The following SPIRE2 variants were observed in gnomAD, a reference collection of about 807,000 sequenced individuals.
SPIRE2 encodes spire type actin nucleation factor 2.
A neutral mutation model predicts 80.7 loss-of-function variants in SPIRE2; 76 were observed. The observed-to-expected ratio is 0.94, with a 90% CI of 0.78 to 1.14. SPIRE2 has a LOEUF of 1.14. Ranked by LOEUF, SPIRE2 falls within the 50% of genes most tolerant of loss-of-function variation. The probability of loss-of-function intolerance (pLI) is 0.00; values close to 1 mark genes in which losing one functional copy is unlikely to be tolerated. For missense variants in SPIRE2, 1,196 were observed against 1,015.3 expected (o/e 1.18, Z -2.42); for synonymous variants, 535 against 432.6 (o/e 1.24, Z -2.94).
intron 1 of SPIRE2, among the ~76,000 whole-genome samples, chr16:89,835,331 C>T (rs768505845): frequency 1.4e-4 from 22 of 152,202 alleles, no homozygotes; most frequent in Non-Finnish European, 2.1e-4. Flanking sequence ...CTTGGGGTCC[C>T]TGTGCTACTG....
At chr16:89,860,898 T>TG in intron 10 of SPIRE2, 103 bp downstream of exon 10, 1 of 688,514 alleles carries the variant, frequency 1.5e-6, no homozygotes, top group Non-Finnish European at 2.3e-6. Context: ...AGCACCTGTC[T>TG]GGGGGGTGTG....
At chr16:89,841,102 T>A (rs1383948938) in intron 1 of SPIRE2, among the ~76,000 whole-genome samples, 1 of 151,604 alleles carries the variant, frequency 6.6e-6, no homozygotes, top group East Asian at 1.9e-4. Context: ...GAGGATCGCT[T>A]GAGCCCAGGA....
At chr16:89,834,707 C>G (rs112923711) in intron 1 of SPIRE2, among the ~76,000 whole-genome samples, 1,929 of 92,292 alleles carry the variant, frequency 0.021, 42 homozygotes, top group African/African-American at 0.076. Context: ...TCGTAGAAGC[C>G]TGGATAAGCA....
At chr16:89,862,373 GGA>G (rs1167585509) in intron 10 of SPIRE2, 1 of 145,396 alleles carries the variant, frequency 6.9e-6, no homozygotes, top group African/African-American at 2.5e-5. Flanking sequence ...AGGAATTAGA[GGA>G]CACATTTAAG....
chr16:89,829,201 G>T (rs899001147), intron 1 of SPIRE2, among the ~76,000 whole-genome samples: 8 of 152,300 alleles, frequency 5.3e-5, no homozygotes, highest in Admixed American at 4.6e-4. Flanking sequence ...GTCCCCTTGG[G>T]GCATTTTCTC....
In SPIRE2 at chr16:89,828,625, G is replaced by T; in HGVS notation, c.75G>T (p.Glu25Asp). The T allele has an allele frequency of 7.5e-7, 1 of 1,335,816 alleles. No homozygotes were observed. Among genetic ancestry groups the T allele is most frequent in the Non-Finnish European group, 9.7e-7 (1 of 1,032,362 alleles). 82.7% of individuals were successfully genotyped at this position (1,335,816 alleles called of 1,614,324 possible). A position where few individuals can be genotyped will look rare whatever the true frequency, so the allele number is the denominator to read the frequency against. ...CGGAGCCCTGGGAGCTGTCCCTGGA[G>T]GAGGTGCTGAAGGCCTACGAGCAGC... ...GRPEPWELSL[E>D]EVLKAYEQPL... Residue 25 changes from glutamate to aspartate, a missense_variant, in exon 1 of 15, where the codon GAG becomes GAT. Transcript: ENST00000378247. The surrounding 1 kb of genome is among the most constrained non-coding windows in gnomAD (Gnocchi z 5.9).
At chr16:89,859,532 A>C (rs2041723597) in intron 9 of SPIRE2, among the ~76,000 whole-genome samples, 178 bp downstream of exon 9, 1 of 152,162 alleles carries the variant, frequency 6.6e-6, no homozygotes, top group South Asian at 2.1e-4. Flanking sequence ...TTTAACTTGA[A>C]AACTTACTAA....
intron 1 of SPIRE2, among the ~76,000 whole-genome samples, chr16:89,839,242 CG>C (rs1334121349): frequency 1.3e-5 from 2 of 151,956 alleles, no homozygotes; most frequent in African/African-American, 4.8e-5. Flanking sequence ...GGCGTGGTGG[CG>C]GGCGCCTGTA....
In SPIRE2 at chr16:89,828,822, G is replaced by C. The variant is rs1167102112; in HGVS notation, c.244+28G>C. On this transcript the variant is annotated intron_variant, in intron 1 of 14. Coordinates refer to ENST00000378247, the MANE Select transcript of SPIRE2 (RefSeq NM_032451.2). This position sits in a 1 kb window ranked among gnomAD's most constrained non-coding sequence, Gnocchi z 5.9. ...GAGGCCGGGGGCGGGGCAGCCGGCG[G>C]GGACCGCGGTCTGGGGCGTCCGTCC... is the stretch of plus-strand genomic sequence containing the variant. 8.5e-7 allele frequency: 1 copy of C among 1,173,972 alleles called. No homozygotes were observed. The highest frequency in any genetic ancestry group is 1.6e-5 in the African/African-American group (1 of 62,076). 72.7% of individuals were successfully genotyped at this position (1,173,972 alleles called of 1,614,324 possible).
chr16:89,863,285 G>C lies in SPIRE2; in HGVS notation c.1576-191G>C. 1.5e-6 allele frequency: 1 copy of C among 649,686 alleles called. No individual in the cohort carries two copies. The highest frequency in any genetic ancestry group is 2.0e-5 in the South Asian group (1 of 51,164). The allele number at this position is 649,686 out of a possible 1,614,324, so 40.2% of individuals were successfully genotyped here. On this transcript the variant is annotated intron_variant, in intron 10 of 14. Coordinates refer to ENST00000378247, the MANE Select transcript of SPIRE2 (RefSeq NM_032451.2). The surrounding 1 kb of genome is among the most constrained non-coding windows in gnomAD (Gnocchi z 4.3). Reference sequence around the variant, plus strand: ...GGGTCCGCTGGTCATGGGAGGCCTGGCCTGCAGCAGCAGGGCCCATCAAAG... The same window carrying C: ...GGGTCCGCTGGTCATGGGAGGCCTGCCCTGCAGCAGCAGGGCCCATCAAAG...
At chr16:89,854,118 C>T (rs1408855861) in intron 3 of SPIRE2, among the ~76,000 whole-genome samples, 168 bp from the exon 4 acceptor site, 1 of 152,270 alleles carries the variant, frequency 6.6e-6, no homozygotes, top group African/African-American at 2.4e-5. Context: ...CTCGGTTTCC[C>T]CAGATACCTT....
At position 89,842,208 on chromosome 16, in the gene SPIRE2, A is replaced by ATTTTTTTT. The variant is rs71137682; in HGVS notation, c.245-3099_245-3092dup. Among the ~76,000 whole-genome samples, 88 of 81,302 alleles carry ATTTTTTTT rather than the reference A, an allele frequency of 1.1e-3. 13 individuals carry two copies. Among genetic ancestry groups the ATTTTTTTT allele is most frequent in the Non-Finnish European group, 1.2e-3 (57 of 48,026 alleles). The allele number at this position is 81,302 out of a possible 152,430, so 53.3% of individuals were successfully genotyped here. ...ATACAATTAGATTCATGAACACGTA[A>ATTTTTTTT]TTTTTTTTTTTTTTTTTTTTTTGTG... On this transcript the variant is annotated intron_variant, in intron 1 of 14. Transcript: ENST00000378247.
rs1435136574 is a variant in SPIRE2 at position 89,863,315 on chromosome 16, G to A, written c.1576-161G>A. On this transcript the variant is annotated intron_variant, in intron 10 of 14. Coordinates refer to ENST00000378247, the MANE Select transcript of SPIRE2 (RefSeq NM_032451.2). The surrounding 1 kb of genome is among the most constrained non-coding windows in gnomAD (Gnocchi z 4.3). ...CAGCAGCAGGGCCCATCAAAGACAT[G>A]GGGATGGATGGCTGATGGACAAGAT... 2.6e-6 allele frequency: 2 copies of A among 766,558 alleles called. No individual in the cohort carries two copies. The highest frequency in any genetic ancestry group is 2.8e-5 in the Admixed American group (1 of 35,350). The allele number at this position is 766,558 out of a possible 1,614,324, so 47.5% of individuals were successfully genotyped here. A position where few individuals can be genotyped will look rare whatever the true frequency, so the allele number is the denominator to read the frequency against.
intron 1 of SPIRE2, among the ~76,000 whole-genome samples, chr16:89,838,007 T>G (rs1196536852): frequency 3.0e-5 from 4 of 133,890 alleles, no homozygotes; most frequent in Non-Finnish European, 7.0e-5. Context: ...GCAGCTTCTT[T>G]TTTTGTTTTT....
intron 1 of SPIRE2, among the ~76,000 whole-genome samples, chr16:89,842,208 A>ATTTTTTTTCTTTT (rs2041512563): frequency 1.2e-5 from 1 of 81,306 alleles, no homozygotes; most frequent in African/African-American, 6.1e-5. Context: ...TGAACACGTA[A>ATTTTTTTTCTTTT]TTTTTTTTTT....
intron 2 of SPIRE2, 93 bp from the exon 3 acceptor site, chr16:89,850,210 TG>T: frequency 9.8e-7 from 1 of 1,017,742 alleles, no homozygotes; most frequent in Non-Finnish European, 1.5e-6. Context: ...GCTGTCTCCC[TG>T]GCCGGGTGCT....
chr16:89,860,637 A>G (rs1402293357), intron 9 of SPIRE2, 46 bp from the exon 10 acceptor site: 1 of 1,334,788 alleles, frequency 7.5e-7, no homozygotes, highest in Non-Finnish European at 1.1e-6. Flanking sequence ...CCTCTTTACC[A>G]CAGCTCCTGC....
At chr16:89,843,698 G>GT (rs568062812) in intron 1 of SPIRE2, among the ~76,000 whole-genome samples, 66 of 18,216 alleles carry the variant, frequency 3.6e-3, no homozygotes, top group South Asian at 0.016. Flanking sequence ...TTTGTTTTTT[G>GT]TTTTTTTTTT....
Position 89,855,665 on chromosome 16 carries a change from C to T in SPIRE2, c.957C>T (p.Arg319=), listed in dbSNP as rs1483122003. The T allele has an allele frequency of 5.0e-6, 8 of 1,612,822 alleles. No homozygotes were observed. The highest frequency in any genetic ancestry group is 6.8e-6 in the Non-Finnish European group (8 of 1,179,930). ...DAHELILDFI[R]SRPPLKQVSE... ...ACGAGCTCATCCTGGACTTTATCCGCTCACGGCCTCCACTGAAGCAGGTGC... is the reference window on the plus strand; with the variant it reads ...ACGAGCTCATCCTGGACTTTATCCGTTCACGGCCTCCACTGAAGCAGGTGC... The change falls in exon 6 of 15, where the codon CGC becomes CGT. Residue 319 remains arginine, a synonymous_variant. Coordinates refer to ENST00000378247, the MANE Select transcript of SPIRE2 (RefSeq NM_032451.2).
Sources: gnomAD v4.1 joint callset for allele counts (sites outside exome capture counted in the v4.1 genomes callset) on GRCh38, gnomAD v4.1.1 for gene constraint, Gnocchi (gnomAD v3.1) non-coding constraint, MANE v1.5 for transcripts, NCBI Gene and HGNC (gene_info 2026-07-23, HGNC 2026-07-21) for gene names.